Variants in MINDY4 observed in about 807,000 individuals in gnomAD.
MINDY4 encodes MINDY lysine 48 deubiquitinase 4.
Under a neutral mutation model 87.0 loss-of-function variants are expected in MINDY4, and 68 were observed. That is an observed-to-expected ratio of 0.78 (90% CI 0.64 to 0.96). The LOEUF (loss-of-function observed/expected upper bound fraction) is 0.96. Ranked by LOEUF, MINDY4 falls within the 40% of genes least tolerant of loss-of-function variation. The pLI is 0.00. For synonymous variants in MINDY4, 379 were observed against 363.2 expected (o/e 1.04, Z -0.50); for missense variants, 919 against 928.2 (o/e 0.99, Z 0.13).
At chr7:30,860,476 C>T (rs1423167237) in intron 13 of MINDY4, among the ~76,000 whole-genome samples, 2 of 152,204 alleles carry the variant, frequency 1.3e-5, no homozygotes, top group Non-Finnish European at 2.9e-5. Context: ...CCATAAGCTG[C>T]ACCACCTTCT....
intron 5 of MINDY4, among the ~76,000 whole-genome samples, chr7:30,808,082 T>C (rs1787867898): frequency 1.3e-5 from 2 of 152,184 alleles, no homozygotes; most frequent in South Asian, 2.1e-4. Context: ...TGTGGGGGAC[T>C]CTGGCCAGCT....
At chr7:30,853,275 C>T (rs78103803) in intron 11 of MINDY4, 119 bp from the exon 12 acceptor site, 49,146 of 775,292 alleles carry the variant, frequency 0.063, 2,028 homozygotes, top group Non-Finnish European at 0.074. Flanking sequence ...TGCTCTCTGA[C>T]GCAGGGACAT....
chr7:30,823,594 C>G (rs904570195), intron 5 of MINDY4, among the ~76,000 whole-genome samples: 15 of 152,076 alleles, frequency 9.9e-5, no homozygotes, highest in African/African-American at 2.9e-4. Context: ...CAAAACTGCC[C>G]ATTCTTTTTT....
chr7:30,876,569 A>G (rs1441890210), intron 15 of MINDY4, among the ~76,000 whole-genome samples: 3 of 152,122 alleles, frequency 2.0e-5, no homozygotes, highest in African/African-American at 7.2e-5. Context: ...GGCATGGGTG[A>G]CTGTACCTCT....
chr7:30,803,057 A>G (rs1035865833), intron 5 of MINDY4: 1 of 152,312 alleles, frequency 6.6e-6, no homozygotes, highest in African/African-American at 2.4e-5. Flanking sequence ...CAATCAAACC[A>G]GCCAACTCAC....
chr7:30,869,170 G>A (rs1248601496), intron 13 of MINDY4, among the ~76,000 whole-genome samples: 1 of 152,224 alleles, frequency 6.6e-6, no homozygotes, highest in African/African-American at 2.4e-5. Flanking sequence ...CCCCCAGGAG[G>A]ACATGGAGGA....
Position 30,850,609 on chromosome 7 carries a change from C to T in MINDY4, c.1547+54C>T, listed in dbSNP as rs572643403. 2.1e-4 allele frequency: 312 copies of T among 1,502,532 alleles called. 2 individuals carry two copies. The East Asian group carries it at 4.5e-3, about 22-fold the overall frequency. The allele number at this position is 1,502,532 out of a possible 1,614,324, so 93.1% of individuals were successfully genotyped here. ...TGGCTCATCGTCTGCTGGCAGCTGCCGGCAAGCTGGCTGTGTATGCTCCTA... is the reference window on the plus strand; with the variant it reads ...TGGCTCATCGTCTGCTGGCAGCTGCTGGCAAGCTGGCTGTGTATGCTCCTA... On this transcript the variant is annotated intron_variant, in intron 10 of 17. Transcript: ENST00000265299.
At chr7:30,771,654 C>A (rs1786639236) in intron 1 of MINDY4, 98 bp downstream of exon 1, 1 of 1,157,868 alleles carries the variant, frequency 8.6e-7, no homozygotes, top group Non-Finnish European at 1.2e-6. Context: ...GGAGGGCGCC[C>A]GTTCCCTACC....
chr7:30,854,603 C>T (rs1381203260), intron 12 of MINDY4, among the ~76,000 whole-genome samples: 1 of 152,104 alleles, frequency 6.6e-6, no homozygotes, highest in African/African-American at 2.4e-5. Context: ...GATGTGGGAT[C>T]CATTCTTTTT....
At chr7:30,840,646 C>T (rs953638358) in intron 8 of MINDY4, 114 bp from the exon 9 acceptor site, 6 of 781,904 alleles carry the variant, frequency 7.7e-6, no homozygotes, top group Non-Finnish European at 1.1e-5. Flanking sequence ...CCTTCTGTTG[C>T]AGAAGGCAGG....
At chr7:30,835,772 A>T (rs1451021436) in intron 6 of MINDY4, among the ~76,000 whole-genome samples, 3 of 152,242 alleles carry the variant, frequency 2.0e-5, no homozygotes, top group Non-Finnish European at 2.9e-5. Context: ...CACTCTGCTC[A>T]GCCTTGCCGG....
chr7:30,809,550 GAA>G (rs199980276), intron 5 of MINDY4, among the ~76,000 whole-genome samples: 10 of 134,890 alleles, frequency 7.4e-5, no homozygotes, highest in African/African-American at 2.7e-4. Flanking sequence ...GTAATTGAAG[GAA>G]AAAAAAAAAA....
At chr7:30,852,582 C>T (rs541376539) in intron 11 of MINDY4, among the ~76,000 whole-genome samples, 1 of 146,150 alleles carries the variant, frequency 6.8e-6, no homozygotes, top group African/African-American at 2.5e-5. Context: ...GTCCTTCTTC[C>T]TCTTTCTTTA....
In MINDY4 at chr7:30,785,814, GT is replaced by G. The variant is rs1787145061; in HGVS notation, c.486del (p.Ser162ArgfsTer14). ...TCATCTAAAAGGCCCCCGCACAAAA[GT>G]AAGCCCATGCAGACGGTCCCGGGTG... ...FVSSKRPPHK[S>X]KPMQTVPGET... On this transcript the variant is annotated frameshift_variant, in exon 4 of 18. Coordinates refer to ENST00000265299, the MANE Select transcript of MINDY4 (RefSeq NM_032222.3). LOFTEE classifies it high-confidence loss of function. 6.2e-7 allele frequency: 1 copy of G among 1,614,100 alleles called. No homozygotes were observed. The highest frequency in any genetic ancestry group is 8.5e-7 in the Non-Finnish European group (1 of 1,180,044).
intron 5 of MINDY4, among the ~76,000 whole-genome samples, chr7:30,811,749 C>T (rs968347261): frequency 8.5e-5 from 13 of 152,296 alleles, no homozygotes; most frequent in African/African-American, 2.6e-4. Flanking sequence ...CTGTTCCGTT[C>T]TAATTACTGG....
Position 30,892,343 on chromosome 7 carries a change from C to T in MINDY4, c.*338C>T, listed in dbSNP as rs1253197734. 1.9e-5 allele frequency: 6 copies of T among 312,570 alleles called. No homozygotes were observed. The highest frequency in any genetic ancestry group is 3.0e-5 in the Non-Finnish European group (5 of 168,680). The allele number at this position is 312,570 out of a possible 1,614,324, so 19.4% of individuals were successfully genotyped here. A position where few individuals can be genotyped will look rare whatever the true frequency, so the allele number is the denominator to read the frequency against. Reference sequence around the variant, plus strand: ...TCCAATGTGGTTGGCCCTGGGGACTCATTACTTCTGGTAGCTGGCTTTCTA... The same window carrying T: ...TCCAATGTGGTTGGCCCTGGGGACTTATTACTTCTGGTAGCTGGCTTTCTA... On this transcript the variant is annotated 3_prime_UTR_variant, in exon 18 of 18. Coordinates refer to ENST00000265299, the MANE Select transcript of MINDY4 (RefSeq NM_032222.3).
intron 2 of MINDY4, among the ~76,000 whole-genome samples, chr7:30,779,218 C>G (rs977950496): frequency 1.2e-4 from 19 of 152,108 alleles, no homozygotes; most frequent in African/African-American, 4.6e-4. Flanking sequence ...AGTATCTGCC[C>G]CCCGCCAATA....
At chr7:30,789,133 G>T (rs1398355121) in intron 4 of MINDY4, among the ~76,000 whole-genome samples, 1 of 147,652 alleles carries the variant, frequency 6.8e-6, no homozygotes, top group Non-Finnish European at 1.5e-5. Flanking sequence ...AAGGATCTGG[G>T]GACTCTTAGG....
At chr7:30,853,990 C>T (rs1789496548) in intron 12 of MINDY4, among the ~76,000 whole-genome samples, 1 of 152,168 alleles carries the variant, frequency 6.6e-6, no homozygotes, top group Non-Finnish European at 1.5e-5. Context: ...CCCCGCCTGC[C>T]AGAGGAGAGC....
Sources: allele counts gnomAD v4.1 joint callset (sites outside exome capture counted in the v4.1 genomes callset), GRCh38; gene constraint gnomAD v4.1.1; transcripts MANE v1.5; gene names NCBI Gene and HGNC (gene_info 2026-07-23, HGNC 2026-07-21).